ST6GAL1: variants seen among roughly 807,000 people sequenced by gnomAD.
The protein encoded by ST6GAL1 is ST6 beta-galactoside alpha-2,6-sialyltransferase 1, also known as beta-galactoside alpha-2,6-sialyltransferase 1.
Under a neutral mutation model 38.0 loss-of-function variants are expected in ST6GAL1, and 20 were observed. That is an observed-to-expected ratio of 0.53 (90% CI 0.37 to 0.77). ST6GAL1 has a LOEUF of 0.77. ST6GAL1 is among the 30% of genes least tolerant of loss of function. ST6GAL1 has a pLI of 0.00. For missense variants in ST6GAL1, 432 were observed against 496.4 expected, an observed-to-expected ratio of 0.87 and a Z score of 1.23; for synonymous variants, 196 against 188.2, an observed-to-expected ratio of 1.04 and a Z score of -0.34.
chr3:187,021,263 A>G (rs1005384016), intron 2 of ST6GAL1, among the ~76,000 whole-genome samples: 5 of 151,968 alleles, frequency 3.3e-5, no homozygotes, highest in Non-Finnish European at 1.5e-5. Context: ...TGCCTGGACT[A>G]TGTGTTGGTT....
intron 2 of ST6GAL1, among the ~76,000 whole-genome samples, chr3:186,976,900 C>T (rs1325166411): frequency 6.6e-6 from 1 of 152,162 alleles, no homozygotes; most frequent in Non-Finnish European, 1.5e-5. Context: ...CTCATATTTA[C>T]CTAGTGCTTT....
intron 5 of ST6GAL1, among the ~76,000 whole-genome samples, chr3:187,061,667 T>C (rs1718919367): frequency 6.6e-6 from 1 of 152,158 alleles, no homozygotes; most frequent in African/African-American, 2.4e-5. Context: ...GCTATCCACA[T>C]GCAAAAGAAT....
chr3:186,951,783 T>C (rs1363010825), intron 1 of ST6GAL1, among the ~76,000 whole-genome samples: 2 of 152,202 alleles, frequency 1.3e-5, no homozygotes, highest in African/African-American at 4.8e-5. Context: ...GATAACAAAA[T>C]ACCGTAAACA....
At chr3:187,013,578 ATTGTT>A (rs1186980836) in intron 2 of ST6GAL1, among the ~76,000 whole-genome samples, 7 of 152,044 alleles carry the variant, frequency 4.6e-5, no homozygotes, top group African/African-American at 7.2e-5. Context: ...AGTGGCAACT[ATTGTT>A]TTGTTTTGTT....
chr3:186,946,984 GT>G (rs1256512779), intron 1 of ST6GAL1, among the ~76,000 whole-genome samples: 3 of 152,308 alleles, frequency 2.0e-5, no homozygotes, highest in Admixed American at 2.0e-4. Flanking sequence ...GACCGATGGA[GT>G]TTTGATAGGT....
At chr3:187,025,011 G>GTGTGTGTGTC (rs1381577543) in intron 2 of ST6GAL1, among the ~76,000 whole-genome samples, 1 of 151,084 alleles carries the variant, frequency 6.6e-6, no homozygotes, top group Non-Finnish European at 1.5e-5. Context: ...GTGTGTGTGT[G>GTGTGTGTGTC]TGTGTGTGTC....
At chr3:186,937,368 C>T (rs190331268) in intron 1 of ST6GAL1, among the ~76,000 whole-genome samples, 18 of 152,226 alleles carry the variant, frequency 1.2e-4, no homozygotes, top group Admixed American at 2.0e-4. Context: ...CATCACCCGT[C>T]GGTTCTTTAG....
At chr3:187,047,655 C>T (rs1718346018) in intron 4 of ST6GAL1, among the ~76,000 whole-genome samples, 1 of 152,008 alleles carries the variant, frequency 6.6e-6, no homozygotes, top group African/African-American at 2.4e-5. Flanking sequence ...TTGCTGGGAT[C>T]TCAGTAGTTG....
chr3:187,042,605 T>C, intron 3 of ST6GAL1, 49 bp from the exon 4 acceptor site: 2 of 1,491,830 alleles, frequency 1.3e-6, no homozygotes, highest in Non-Finnish European at 1.8e-6. Context: ...TCATGCCACA[T>C]TGGGTTTTTC....
intron 2 of ST6GAL1, among the ~76,000 whole-genome samples, chr3:187,004,143 G>A (rs1000464558): frequency 6.6e-6 from 1 of 152,124 alleles, no homozygotes; most frequent in Non-Finnish European, 1.5e-5. Context: ...TTTTGCTTTC[G>A]CCATGTGATG....
chr3:187,023,577 C>A (rs1717405419), intron 2 of ST6GAL1, among the ~76,000 whole-genome samples: 1 of 152,136 alleles, frequency 6.6e-6, no homozygotes, highest in African/African-American at 2.4e-5. Context: ...GAGTTCACGT[C>A]CTTTGTAGGG....
intron 2 of ST6GAL1, among the ~76,000 whole-genome samples, chr3:187,019,682 T>G (rs1717230915): frequency 6.6e-6 from 1 of 152,090 alleles, no homozygotes; most frequent in South Asian, 2.1e-4. Flanking sequence ...ATGGGAGTCC[T>G]TCATGGGAGA....
At chr3:187,038,371 A>G (rs1718010029) in intron 2 of ST6GAL1, 1 of 150,884 alleles carries the variant, frequency 6.6e-6, no homozygotes, top group East Asian at 1.9e-4. Context: ...ATGCCTGGCT[A>G]ATTTTTTTTT....
chr3:186,939,737 C>T (rs539717427), intron 1 of ST6GAL1, among the ~76,000 whole-genome samples: 22 of 152,230 alleles, frequency 1.4e-4, no homozygotes, highest in South Asian at 6.2e-4. Context: ...GCGTTGCTGC[C>T]GGTCTCTCAT....
intron 2 of ST6GAL1, among the ~76,000 whole-genome samples, chr3:186,982,074 A>G (rs553377830): frequency 1.4e-3 from 208 of 152,356 alleles, no homozygotes; most frequent in Non-Finnish European, 2.2e-3. Flanking sequence ...AAATTCAACT[A>G]GATTTCCCTA....
intron 1 of ST6GAL1, among the ~76,000 whole-genome samples, chr3:186,953,619 T>C (rs1440809672): frequency 2.6e-5 from 4 of 152,180 alleles, no homozygotes; most frequent in African/African-American, 9.7e-5. Flanking sequence ...CACTAGGAAC[T>C]TGCTTCCATG....
intron 5 of ST6GAL1, among the ~76,000 whole-genome samples, chr3:187,065,879 A>C (rs1719093099): frequency 6.6e-6 from 1 of 152,192 alleles, no homozygotes. Context: ...CCTGTGAGGT[A>C]TGACCACCAA....
intron 2 of ST6GAL1, among the ~76,000 whole-genome samples, chr3:187,005,386 T>C (rs944299461): frequency 3.3e-5 from 5 of 151,260 alleles, no homozygotes; most frequent in African/African-American, 7.3e-5. Context: ...TGCCATTCTC[T>C]TGCCTCAGCC....
chr3:186,993,977 G>T (rs958054388), intron 2 of ST6GAL1, among the ~76,000 whole-genome samples: 1 of 152,034 alleles, frequency 6.6e-6, no homozygotes, highest in Non-Finnish European at 1.5e-5. Flanking sequence ...GCTCTACTTC[G>T]TCATCAGAGA....
Sources: gnomAD v4.1 joint callset for allele counts (sites outside exome capture counted in the v4.1 genomes callset) on GRCh38, gnomAD v4.1.1 for gene constraint, MANE v1.5 for transcripts, NCBI Gene and HGNC (gene_info 2026-07-23, HGNC 2026-07-21) for gene names.